Variants in PDE9A observed in about 807,000 individuals in gnomAD.
PDE9A encodes high affinity cGMP-specific 3',5'-cyclic phosphodiesterase 9A.
In PDE9A, 60 loss-of-function variants were observed where a neutral mutation model predicts 87.4. The observed-to-expected ratio is 0.69, with a 90% CI of 0.56 to 0.85. PDE9A has a LOEUF of 0.85. Among genes scored for constraint, PDE9A ranks in the 40% least tolerant of loss-of-function variants. PDE9A has a pLI of 0.00. For synonymous variants in PDE9A, 272 were observed against 279.4 expected (o/e 0.97, Z 0.27); for missense variants, 665 against 779.0 (o/e 0.85, Z 1.74).
intron 7 of PDE9A, chr21:42,734,191 G>C (rs2052140184): frequency 6.6e-6 from 1 of 152,084 alleles, no homozygotes; most frequent in South Asian, 2.1e-4. Context: ...TATAGCAACA[G>C]AAGAACAGCC....
At chr21:42,721,033 A>C (rs1263779385) in intron 4 of PDE9A, among the ~76,000 whole-genome samples, 1 of 151,924 alleles carries the variant, frequency 6.6e-6, no homozygotes. Context: ...TAGAGCTAAC[A>C]TGCATGAACC....
At chr21:42,727,077 CAAAAAAAAAA>C (rs34249348) in intron 4 of PDE9A, among the ~76,000 whole-genome samples, 2 of 81,674 alleles carry the variant, frequency 2.4e-5, no homozygotes, top group Non-Finnish European at 4.7e-5. Context: ...TCTATTTCTA[CAAAAAAAAAA>C]AAAAAAAAAA....
intron 8 of PDE9A, among the ~76,000 whole-genome samples, chr21:42,744,386 G>T (rs1300643079): frequency 1.3e-5 from 2 of 152,192 alleles, no homozygotes; most frequent in Non-Finnish European, 2.9e-5. Context: ...GGAGATAGGG[G>T]CTGGGAAGAC....
rs1188866121 is a variant in PDE9A, at chr21:42,731,885, A to G, written c.378A>G (p.Gly126=). 6.2e-7 allele frequency: 1 copy of G among 1,614,186 alleles called. No homozygotes were observed. The highest frequency in any genetic ancestry group is 8.5e-7 in the Non-Finnish European group (1 of 1,180,018). The change falls in exon 5 of 20, where the codon GGA becomes GGG. Residue 126 remains glycine (G), a synonymous_variant. Coordinates refer to ENST00000291539, the MANE Select transcript of PDE9A (RefSeq NM_002606.3). ...GGAGGGAAGGAGCATTTGAAAGTGG[A>G]CAGGTAGAGCCCAGGCCCAGAGAGC... ...QPRREGAFES[G]QVEPRPREPQ... is the part of the protein sequence containing the mutation.
At chr21:42,697,448 C>T (rs1209229842) in intron 3 of PDE9A, 18 of 1,612,488 alleles carry the variant, frequency 1.1e-5, no homozygotes, top group Middle Eastern at 3.3e-4. Context: ...CACTCCGTAA[C>T]TTGTTGTTTT....
intron 1 of PDE9A, 62 bp downstream of exon 1, chr21:42,653,945 G>C: frequency 9.8e-7 from 1 of 1,019,498 alleles, no homozygotes; most frequent in Non-Finnish European, 1.5e-6. Context: ...GGGGCCGGGC[G>C]CGGCGGGGCG....
intron 1 of PDE9A, among the ~76,000 whole-genome samples, chr21:42,681,296 C>T (rs1304931378): frequency 1.3e-5 from 2 of 152,232 alleles, no homozygotes; most frequent in Admixed American, 6.5e-5. Flanking sequence ...CCTTCCATTA[C>T]GTGGTGTCTA....
chr21:42,701,164 T>C (rs367775442), intron 4 of PDE9A: 3 of 152,340 alleles, frequency 2.0e-5, no homozygotes, highest in African/African-American at 7.2e-5. Context: ...ATTGTTAATA[T>C]GAAGTACTTA....
chr21:42,769,226 C>A, intron 17 of PDE9A, 71 bp downstream of exon 17: 1 of 1,366,410 alleles, frequency 7.3e-7, no homozygotes, highest in Non-Finnish European at 1.0e-6. Flanking sequence ...GGCACACACA[C>A]ATATACACAT....
In PDE9A at chr21:42,659,588, C is replaced by T. The variant is rs1180410541; in HGVS notation, c.69+5705C>T. The stretch of plus-strand genomic sequence containing the variant: ...CCCTCAGGCCTGGGCACAGCATAGC[C>T]CCCATGACGCTTCTCTCATCCTGGA... On this transcript the variant is annotated intron_variant, in intron 1 of 19. Transcript: ENST00000291539. The surrounding 1 kb of genome is among the most constrained non-coding windows in gnomAD (Gnocchi z 4.1). Among the ~76,000 whole-genome samples the T allele has an allele frequency of 3.3e-5, 5 of 152,226 alleles. No homozygotes were observed. The highest frequency in any genetic ancestry group is 1.2e-4 in the African/African-American group (5 of 41,460).
intron 4 of PDE9A, among the ~76,000 whole-genome samples, chr21:42,716,048 A>C (rs1053981878): frequency 6.6e-6 from 1 of 151,816 alleles, no homozygotes; most frequent in Admixed American, 6.6e-5. Context: ...TGTCTTTAAG[A>C]TTCTTTTATG....
At chr21:42,671,180 C>T (rs1029862604) in intron 1 of PDE9A, among the ~76,000 whole-genome samples, 17 of 152,112 alleles carry the variant, frequency 1.1e-4, no homozygotes, top group Admixed American at 1.3e-4. Flanking sequence ...GGGCCCAGTT[C>T]AAGCAGGAGG....
In PDE9A at chr21:42,661,012, G is replaced by A. The variant is rs569363434; in HGVS notation, c.69+7129G>A. On this transcript the variant is annotated intron_variant, in intron 1 of 19. Transcript: ENST00000291539. The stretch of plus-strand genomic sequence containing the variant: ...AAGAAGAACCACAGCATTTTATTCC[G>A]TTTGCTTTAGATTCTCTGCCAATTT... Among the ~76,000 whole-genome samples the A allele has an allele frequency of 2.1e-4, 31 of 151,200 alleles. 2 individuals carry two copies. The highest frequency in any genetic ancestry group is 1.5e-3 in the Admixed American group (23 of 15,166).
intron 17 of PDE9A, 51 bp from the exon 18 acceptor site, chr21:42,770,652 C>T: frequency 7.0e-7 from 1 of 1,427,312 alleles, no homozygotes; most frequent in African/African-American, 1.4e-5. Context: ...CCGACGTTTC[C>T]CATTGCCTTA....
At chr21:42,684,629 G>A (rs1172505354) in intron 1 of PDE9A, among the ~76,000 whole-genome samples, 3 of 152,266 alleles carry the variant, frequency 2.0e-5, no homozygotes, top group Non-Finnish European at 2.9e-5. Context: ...GGAGGAGCCA[G>A]CAGAGTCCTG....
At chr21:42,726,591 GCC>G (rs1422139832) in intron 4 of PDE9A, among the ~76,000 whole-genome samples, 11 of 70,990 alleles carry the variant, frequency 1.5e-4, no homozygotes, top group African/African-American at 7.2e-4. Context: ...ACCACGCCTG[GCC>G]ATATATATAT....
intron 10 of PDE9A, chr21:42,758,492 TC>T (rs1195505330): frequency 6.6e-6 from 1 of 152,632 alleles, no homozygotes; most frequent in African/African-American, 2.4e-5. Flanking sequence ...TCGTCAAAGC[TC>T]CTTCGATCCC....
At chr21:42,721,529 AT>A (rs931544066) in intron 4 of PDE9A, among the ~76,000 whole-genome samples, 18 of 152,108 alleles carry the variant, frequency 1.2e-4, no homozygotes, top group African/African-American at 4.3e-4. Flanking sequence ...ATGTAACTTT[AT>A]TGTGTTCCTG....
intron 3 of PDE9A, among the ~76,000 whole-genome samples, chr21:42,698,345 A>G (rs747713556): frequency 6.6e-6 from 1 of 152,216 alleles, no homozygotes; most frequent in South Asian, 2.1e-4. Context: ...CCTCTTGGCC[A>G]CTGACTGCTC....
Sources: allele counts gnomAD v4.1 joint callset (sites outside exome capture counted in the v4.1 genomes callset), GRCh38; gene constraint gnomAD v4.1.1; non-coding constraint Gnocchi (gnomAD v3.1); transcripts MANE v1.5; gene names NCBI Gene and HGNC (gene_info 2026-07-23, HGNC 2026-07-21).